RTN4: variants seen among roughly 807,000 people sequenced by gnomAD.
The protein encoded by RTN4 is reticulon 4, also known as reticulon-4.
A neutral mutation model predicts 90.4 loss-of-function variants in RTN4; 32 were observed. The ratio of observed to expected loss-of-function variants is 0.35; its 90% CI spans 0.27 to 0.48. RTN4 has a LOEUF of 0.48. Ranked by LOEUF, RTN4 falls within the 20% of genes least tolerant of loss-of-function variation. The pLI, the probability that RTN4 is intolerant of heterozygous loss-of-function variation, is 0.99. For synonymous variants in RTN4, 629 were observed against 552.5 expected (o/e 1.14, Z -1.94); for missense variants, 1,706 against 1,430.2 (o/e 1.19, Z -3.11).
upstream of RTN4, among the ~76,000 whole-genome samples, chr2:55,055,777 A>C (rs972531060): frequency 5.3e-5 from 8 of 151,598 alleles, no homozygotes; most frequent in Admixed American, 2.0e-4. Flanking sequence ...CTCAAAAAAA[A>C]AAACAAAAAA....
rs142061278 is a variant in RTN4 at position 55,111,132 on chromosome 2, G to A, written c.-214+1388C>T. 3.1e-3 allele frequency among the ~76,000 whole-genome samples: 478 copies of A among 152,160 alleles called. 1 individual carries two copies. The highest frequency in any genetic ancestry group is 0.014 in the Middle Eastern group (4 of 294). ...AATAAAAACAAAATAAAAACAAATT[G>A]TCTTTATTTTTACTTGCTTGCTTGC... On this transcript the variant is annotated intron_variant, in intron 1 of 3. Coordinates refer to the RTN4 transcript ENST00000427710.
At chr2:55,096,864 A>C (rs1667740923) in intron 1 of RTN4, among the ~76,000 whole-genome samples, 1 of 151,180 alleles carries the variant, frequency 6.6e-6, no homozygotes, top group African/African-American at 2.4e-5. Context: ...ATACGAAGAA[A>C]GGCTTCCCTA....
rs1047889029 is a variant in RTN4, at chr2:55,015,364, T to C, written c.3013+9722A>G. Among the ~76,000 whole-genome samples the C allele has an allele frequency of 9.2e-5, 14 of 152,104 alleles. 1 individual carries two copies. Among genetic ancestry groups the C allele is most frequent in the African/African-American group, 3.4e-4 (14 of 41,444 alleles). The stretch of plus-strand genomic sequence containing the variant: ...CAATTTTAAATAGATCAGAACTAAG[T>C]GTAAAATTAAAACTATAAGTAAATA... On this transcript the variant is annotated intron_variant, in intron 3 of 8. Transcript: ENST00000337526.
chr2:55,049,630 G>A (rs969772855), intron 1 of RTN4, 115 bp downstream of exon 1: 5 of 1,499,986 alleles, frequency 3.3e-6, no homozygotes, highest in Non-Finnish European at 4.5e-6. Flanking sequence ...CCCGAAGTCC[G>A]CAGACAAAGC....
intron 2 of RTN4, among the ~76,000 whole-genome samples, chr2:55,072,412 G>C (rs781595579): frequency 1.8e-4 from 28 of 151,954 alleles, no homozygotes; most frequent in Non-Finnish European, 3.4e-4. Flanking sequence ...TGTATTTTTA[G>C]TAGAGATGGG....
chr2:55,100,413 T>C (rs1667831738), intron 1 of RTN4, among the ~76,000 whole-genome samples: 3 of 152,158 alleles, frequency 2.0e-5, no homozygotes, highest in African/African-American at 7.2e-5. Flanking sequence ...ATGCTGGTTC[T>C]GTCTGGAAGC....
intron 3 of RTN4, among the ~76,000 whole-genome samples, chr2:55,021,440 T>A (rs1681429134): frequency 6.6e-6 from 1 of 151,890 alleles, no homozygotes; most frequent in African/African-American, 2.4e-5. Flanking sequence ...AGAAGCATGT[T>A]AAAGCAACTC....
intron 1 of RTN4, among the ~76,000 whole-genome samples, chr2:55,037,552 G>C (rs545065972): frequency 6.6e-6 from 1 of 152,290 alleles, no homozygotes; most frequent in African/African-American, 2.4e-5. Flanking sequence ...TGAGGGAACT[G>C]GCACAAGAAA....
chr2:55,009,117 T>C (rs1680449461), intron 3 of RTN4, among the ~76,000 whole-genome samples: 1 of 152,196 alleles, frequency 6.6e-6, no homozygotes, highest in Non-Finnish European at 1.5e-5. Context: ...TAAAAGTTAC[T>C]GTAATTAGCT....
chr2:55,133,965 T>G, the RTN4 span, among the ~76,000 whole-genome samples: 1 of 152,206 alleles, frequency 6.6e-6, no homozygotes, highest in African/African-American at 2.4e-5. Context: ...TTGGCTATTT[T>G]GATGGTGATT....
In RTN4 at chr2:55,027,383, GAC is replaced by G; in HGVS notation, c.714_715del (p.Pro240SerfsTer10). On this transcript the variant is annotated frameshift_variant, in exon 3 of 9. Coordinates refer to ENST00000337526, the MANE Select transcript of RTN4 (RefSeq NM_020532.5). LOFTEE classifies it high-confidence loss of function. ...TTTGAAAGAAGCGGCTGAGAGAGGA[GAC>G]AGAGAAGGAAGAGAAGCAGCAGTTT... 1 of 1,613,732 alleles carries G rather than the reference GAC, an allele frequency of 6.2e-7. No homozygotes were observed. Among genetic ancestry groups the G allele is most frequent in the Non-Finnish European group, 8.5e-7 (1 of 1,179,784 alleles).
At chr2:55,129,908 C>G in the RTN4 span, among the ~76,000 whole-genome samples, 1 of 152,162 alleles carries the variant, frequency 6.6e-6, no homozygotes, top group African/African-American at 2.4e-5. Flanking sequence ...ATTAGAAAGA[C>G]TAAAAATGCC....
At position 55,026,461 on chromosome 2, in the gene RTN4, C is replaced by T; in HGVS notation, c.1638G>A (p.Met546Ile). 2 of 1,613,924 alleles carry T rather than the reference C, an allele frequency of 1.2e-6. No homozygotes were observed. Among genetic ancestry groups the T allele is most frequent in the Non-Finnish European group, 1.7e-6 (2 of 1,179,876 alleles). ...CTAAATCTGGAGTCAGGCCTTCAGG[C>T]ATGTTTGCCACGACTTCCTCAGTCA... ...TKVTEEVVAN[M>I]PEGLTPDLVQ... Residue 546 changes from methionine to isoleucine, a missense_variant, in exon 3 of 9, where the codon ATG becomes ATA. Transcript: ENST00000337526.
the RTN4 span, among the ~76,000 whole-genome samples, chr2:55,137,083 A>G: frequency 6.6e-6 from 1 of 152,246 alleles, no homozygotes; most frequent in African/African-American, 2.4e-5. Flanking sequence ...GGCCAGGCAG[A>G]GGAGGAAGCA....
intron 1 of RTN4, among the ~76,000 whole-genome samples, chr2:55,110,488 C>T (rs1442928479): frequency 6.6e-6 from 1 of 152,024 alleles, no homozygotes; most frequent in Non-Finnish European, 1.5e-5. Context: ...ACAGAACAAT[C>T]AGGAATACCC....
Position 55,026,896 on chromosome 2 carries a change from T to C in RTN4, c.1203A>G (p.Glu401=). 2 of 1,613,820 alleles carry C rather than the reference T, an allele frequency of 1.2e-6. No individual in the cohort carries two copies. The highest frequency in any genetic ancestry group is 1.7e-6 in the Non-Finnish European group (2 of 1,179,876). ...CTCCAGCAGCCAACATATCACTATC[T>C]TCCTTACTATCTTTCACTTCCCATA... ...ERVWEVKDSK[E]DSDMLAAGGK... is the part of the protein sequence containing the mutation. Residue 401 remains glutamate (E), a synonymous_variant, in exon 3 of 9, where the codon GAA becomes GAG. Transcript: ENST00000337526.
At chr2:54,974,606 A>G (rs1211045009) in intron 6 of RTN4, 89 bp downstream of exon 6, 23 of 1,095,816 alleles carry the variant, frequency 2.1e-5, no homozygotes, top group Non-Finnish European at 3.2e-5. Flanking sequence ...TACTTTTCAT[A>G]CAATGAGAAT....
At chr2:55,032,303 T>A (rs941521224) in intron 1 of RTN4, among the ~76,000 whole-genome samples, 1 of 152,118 alleles carries the variant, frequency 6.6e-6, no homozygotes, top group African/African-American at 2.4e-5. Flanking sequence ...GGTCTCAAAC[T>A]CCTGACCTCA....
At chr2:55,001,056 AATG>A (rs557662771) in intron 3 of RTN4, among the ~76,000 whole-genome samples, 71 of 152,296 alleles carry the variant, frequency 4.7e-4, no homozygotes, top group African/African-American at 1.6e-3. Flanking sequence ...TGAATTTAAG[AATG>A]ATATTAAAAT....
Sources: gnomAD v4.1 joint callset for allele counts (sites outside exome capture counted in the v4.1 genomes callset) on GRCh38, gnomAD v4.1.1 for gene constraint, MANE v1.5 for transcripts, NCBI Gene and HGNC (gene_info 2026-07-23, HGNC 2026-07-21) for gene names.